Variants in CMYA5 observed in about 807,000 individuals in gnomAD.
The protein encoded by CMYA5 is cardiomyopathy-associated protein 5.
A neutral mutation model predicts 318.9 loss-of-function variants in CMYA5; 246 were observed. The ratio of observed to expected loss-of-function variants is 0.77; its 90% confidence interval spans 0.70 to 0.86. The LOEUF is 0.86. Among genes scored for constraint, CMYA5 ranks in the 40% least tolerant of loss-of-function variants. The pLI is 0.00. For missense variants in CMYA5, 4,589 were observed against 4,678.2 expected (o/e 0.98, Z 0.56); for synonymous variants, 1,641 against 1,729.5 (o/e 0.95, Z 1.27).
chr5:79,778,632 G>GT (rs758500363), intron 9 of CMYA5, among the ~76,000 whole-genome samples: 5 of 150,872 alleles, frequency 3.3e-5, no homozygotes, highest in Admixed American at 6.6e-5. Context: ...TAGAAGCTCT[G>GT]TTTTTTTAAG....
chr5:79,730,623 A>G lies in CMYA5; in HGVS notation c.1858A>G (p.Asn620Asp). 7 of 1,613,994 alleles carry G rather than the reference A, an allele frequency of 4.3e-6. No homozygotes were observed. The highest frequency in any genetic ancestry group is 5.9e-6 in the Non-Finnish European group (7 of 1,179,888). ...AGAAGGTGAGCCAGTTCCCCCATCC[A>G]ATGTAGAAGCTATAGCTGAACATGC... ...EQEGEPVPPS[N>D]VEAIAEHAVL... Residue 620 changes from asparagine (N) to aspartate (D), a missense_variant, in exon 2 of 13, where the codon AAT becomes GAT. Asn to Asp is a conservative substitution (Grantham distance 23). Transcript: ENST00000446378.
chr5:79,790,977 A>T lies in CMYA5; in HGVS notation c.11697A>T (p.Arg3899Ser), dbSNP rs759358587. 7 of 1,611,472 alleles carry T rather than the reference A, an allele frequency of 4.3e-6. No individual in the cohort carries two copies. The highest frequency in any genetic ancestry group is 1.3e-5 in the African/African-American group (1 of 74,892). The change falls in exon 11 of 13, where the codon AGA becomes AGT. Residue 3899 changes from arginine (R) to serine (S), a missense_variant. Around this residue, in one of 3 missense-constraint regions of CMYA5, gnomAD observed 2,431 missense variants for 2,495.1 expected, o/e 0.97. Coordinates refer to ENST00000446378, the MANE Select transcript of CMYA5 (RefSeq NM_153610.5). ...TTTTCTCACCTGCAATAGGAACCAG[A>T]TTTCTCTTGTTGAGAGAAACAGCTC... ...EAALISTRGT[R>S]FLLLRETAHP...
intron 1 of CMYA5, among the ~76,000 whole-genome samples, chr5:79,705,126 A>G (rs6453475): frequency 0.49 from 74,440 of 151,830 alleles, 20,043 homozygotes; most frequent in African/African-American, 0.7. Flanking sequence ...ACAAAAATTA[A>G]CCAGGCGTGG....
In CMYA5 at chr5:79,735,017, C is replaced by T. The variant is rs368324780; in HGVS notation, c.6252C>T (p.Gly2084=). 2.7e-5 allele frequency: 44 copies of T among 1,613,438 alleles called. No homozygotes were observed. Among genetic ancestry groups the T allele is most frequent in the Non-Finnish European group, 3.7e-5 (44 of 1,179,770 alleles). Residue 2084 remains glycine, a synonymous_variant, in exon 2 of 13, where the codon GGC becomes GGT. Coordinates refer to ENST00000446378, the MANE Select transcript of CMYA5 (RefSeq NM_153610.5). ...FPAEGVEPAL[G]NEKEAHRSTP... ...CAGAAGGTGTGGAACCTGCATTGGG[C>T]AATGAAAAAGAAGCACACAGGAGCA...
At chr5:79,723,879 T>G (rs191362427) in intron 1 of CMYA5, among the ~76,000 whole-genome samples, 1 of 152,206 alleles carries the variant, frequency 6.6e-6, no homozygotes, top group Admixed American at 6.5e-5. Context: ...AAATCTTGCA[T>G]TATATAAAAG....
chr5:79,745,727 G>T (rs1317533480), intron 4 of CMYA5, among the ~76,000 whole-genome samples: 1 of 152,096 alleles, frequency 6.6e-6, no homozygotes, highest in Non-Finnish European at 1.5e-5. Flanking sequence ...TGGATTCATT[G>T]GTCACTGTCT....
intron 1 of CMYA5, among the ~76,000 whole-genome samples, chr5:79,716,529 C>A (rs13185167): frequency 0.45 from 68,798 of 152,124 alleles, 16,666 homozygotes; most frequent in African/African-American, 0.62. Flanking sequence ...TAATAGATGT[C>A]CTTCTACTTG....
intron 9 of CMYA5, among the ~76,000 whole-genome samples, chr5:79,775,849 T>C (rs1828929690): frequency 1.3e-5 from 2 of 152,090 alleles, no homozygotes; most frequent in South Asian, 4.1e-4. Context: ...TGTGTGACTG[T>C]GGAGGGGTAA....
rs909496168 is a variant in CMYA5 at position 79,737,764 on chromosome 5, G to A, written c.8999G>A (p.Cys3000Tyr). ...PLPDDSETVA[C>Y]HKTLKSRLED... ...CCTGATGATAGTGAAACAGTTGCTT[G>A]TCATAAAACATTAAAGAGCAGGTTA... is the stretch of plus-strand genomic sequence containing the variant. Residue 3000 changes from cysteine (C) to tyrosine (Y), a missense_variant, in exon 2 of 13, where the codon TGT (cysteine) becomes TAT (tyrosine). Transcript: ENST00000446378. 1 of 1,611,320 alleles carries A rather than the reference G, an allele frequency of 6.2e-7. No individual in the cohort carries two copies.
intron 1 of CMYA5, among the ~76,000 whole-genome samples, chr5:79,720,835 C>T (rs1580758523): frequency 6.6e-6 from 1 of 152,208 alleles, no homozygotes; most frequent in African/African-American, 2.4e-5. Context: ...CCAGAAGATT[C>T]ACACCAGAGG....
At position 79,739,436 on chromosome 5, in the gene CMYA5, T is replaced by G. The variant is rs1021301798; in HGVS notation, c.10638+33T>G. On this transcript the variant is annotated intron_variant, in intron 2 of 12. Coordinates refer to ENST00000446378, the MANE Select transcript of CMYA5 (RefSeq NM_153610.5). ...GATGTTGAACACACATAATTAATAA[T>G]ATATATATACACATTTAATTTGCTT... is the stretch of plus-strand genomic sequence containing the variant. 3 of 1,381,718 alleles carry G rather than the reference T, an allele frequency of 2.2e-6. No homozygotes were observed. The African/African-American group carries it at 4.4e-5, about 20-fold the overall frequency. The allele number at this position is 1,381,718 out of a possible 1,614,324, so 85.6% of individuals were successfully genotyped here.
rs1288302902 is a variant in CMYA5, at chr5:79,731,520, G to T, written c.2755G>T (p.Val919Phe). The change falls in exon 2 of 13, where the codon GTC becomes TTC. Residue 919 changes from valine (V) to phenylalanine (F), a missense_variant. Coordinates refer to ENST00000446378, the MANE Select transcript of CMYA5 (RefSeq NM_153610.5). ...ATPEAQEEEI[V>F]HRSLNLKGAS... ...ACCGGAGGCACAGGAGGAAGAAATTGTCCATAGATCTCTAAATCTAAAAGG... is the reference window on the plus strand; with the variant it reads ...ACCGGAGGCACAGGAGGAAGAAATTTTCCATAGATCTCTAAATCTAAAAGG... 1.2e-6 allele frequency: 2 copies of T among 1,603,476 alleles called. No homozygotes were observed. Among genetic ancestry groups the T allele is most frequent in the Non-Finnish European group, 1.7e-6 (2 of 1,175,066 alleles).
intron 3 of CMYA5, 126 bp from the exon 4 acceptor site, chr5:79,745,096 G>T: frequency 1.6e-6 from 1 of 640,566 alleles, no homozygotes; most frequent in Non-Finnish European, 2.8e-6. Flanking sequence ...CTGTGCATGT[G>T]ATGTCTGATT....
intron 1 of CMYA5, among the ~76,000 whole-genome samples, chr5:79,714,441 T>C (rs1460059857): frequency 1.4e-5 from 2 of 144,840 alleles, no homozygotes; most frequent in African/African-American, 2.6e-5. Context: ...CTTTTTTTTT[T>C]TTTTTTTTTT....
At chr5:79,713,508 T>G (rs1399052124) in intron 1 of CMYA5, among the ~76,000 whole-genome samples, 3 of 152,134 alleles carry the variant, frequency 2.0e-5, no homozygotes, top group Admixed American at 6.5e-5. Flanking sequence ...TCCTTAGTTT[T>G]TTATAATAGT....
intron 12 of CMYA5, 137 bp downstream of exon 12, chr5:79,793,747 C>G (rs1024705186): frequency 5.4e-6 from 4 of 746,738 alleles, no homozygotes; most frequent in Non-Finnish European, 8.6e-6. Flanking sequence ...AAACAAGAGT[C>G]AAGTATATGG....
chr5:79,761,240 C>T (rs1828644438), intron 7 of CMYA5, among the ~76,000 whole-genome samples: 1 of 152,102 alleles, frequency 6.6e-6, no homozygotes, highest in South Asian at 2.1e-4. Context: ...CTTAGAGTAG[C>T]TTATGACCTA....
At position 79,745,491 on chromosome 5, in the gene CMYA5, G is replaced by A. The variant is rs377723767; in HGVS notation, c.10968+36G>A. The A allele has an allele frequency of 9.1e-6, 12 of 1,318,134 alleles. No homozygotes were observed. The Middle Eastern group carries it at 9.1e-4, about 100-fold the overall frequency. 81.7% of individuals were successfully genotyped at this position (1,318,134 alleles called of 1,614,324 possible). A position where few individuals can be genotyped will look rare whatever the true frequency, so the allele number is the denominator to read the frequency against. On this transcript the variant is annotated intron_variant, in intron 4 of 12. Coordinates refer to ENST00000446378, the MANE Select transcript of CMYA5 (RefSeq NM_153610.5). ...AGTAAAATGGGCTCAAACACCTTGC[G>A]CCCACTCTGGCACATCTACTTTTAA...
chr5:79,736,139 T>C lies in CMYA5; in HGVS notation c.7374T>C (p.Asp2458=), dbSNP rs770561702. ...LRSVSPTEKK[D]NLENRSYTLA... The stretch of plus-strand genomic sequence containing the variant: ...CTGTTAGTCCAACTGAGAAGAAAGA[T>C]AATTTGGAAAACAGATCATATACCT... Residue 2458 remains aspartate, a synonymous_variant, in exon 2 of 13, where the codon GAT becomes GAC. Transcript: ENST00000446378. 2 of 1,613,702 alleles carry C rather than the reference T, an allele frequency of 1.2e-6. No individual in the cohort carries two copies. The highest frequency in any genetic ancestry group is 4.5e-5 in the East Asian group (2 of 44,862).
Sources: allele counts gnomAD v4.1 joint callset (sites outside exome capture counted in the v4.1 genomes callset), GRCh38; gene constraint gnomAD v4.1.1; regional missense constraint gnomAD v4.1.1; transcripts MANE v1.5; gene names NCBI Gene and HGNC (gene_info 2026-07-23, HGNC 2026-07-21).